The following SI variants were observed in gnomAD, a reference collection of about 807,000 sequenced individuals.
The protein encoded by SI is sucrase-isomaltase, intestinal.
Under a neutral mutation model 253.3 loss-of-function variants are expected in SI, and 235 were observed. That is an observed-to-expected ratio of 0.93 (90% CI 0.83 to 1.03). SI has a LOEUF of 1.03. Ranked by LOEUF, SI falls within the 50% of genes least tolerant of loss-of-function variation. The pLI is 0.00. For synonymous variants in SI, 819 were observed against 712.0 expected (o/e 1.15, Z -2.39); for missense variants, 2,442 against 2,211.1 (o/e 1.10, Z -2.09).
At chr3:164,999,531 TAGA>T (rs1718168362) in intron 37 of SI, among the ~76,000 whole-genome samples, 1 of 151,632 alleles carries the variant, frequency 6.6e-6, no homozygotes, top group Non-Finnish European at 1.5e-5. Flanking sequence ...AGAACTATCT[TAGA>T]AGAAGATACC....
intron 38 of SI, 68 bp downstream of exon 38, chr3:164,998,472 A>C: frequency 6.6e-7 from 1 of 1,510,784 alleles, no homozygotes; most frequent in Admixed American, 1.7e-5. Context: ...GTTATGACCT[A>C]GCACCAGCAA....
chr3:165,018,472 G>A (rs889364193), intron 28 of SI, among the ~76,000 whole-genome samples: 2 of 150,478 alleles, frequency 1.3e-5, no homozygotes, highest in South Asian at 2.1e-4. Flanking sequence ...ATAGTAAAAT[G>A]TCCTAGAAAT....
intron 16 of SI, among the ~76,000 whole-genome samples, 160 bp downstream of exon 16, chr3:165,046,680 AC>A (rs1233928169): frequency 6.6e-6 from 1 of 152,090 alleles, no homozygotes; most frequent in African/African-American, 2.4e-5. Flanking sequence ...AATTATAGAT[AC>A]CATCTGTATT....
chr3:165,045,088 C>T (rs1713036599), intron 16 of SI, among the ~76,000 whole-genome samples: 1 of 152,044 alleles, frequency 6.6e-6, no homozygotes, highest in Admixed American at 6.6e-5. Context: ...TATCCACAGT[C>T]CAGTATCATT....
chr3:165,040,976 A>C lies in SI; in HGVS notation c.2123T>G (p.Val708Gly). 1 of 1,612,212 alleles carries C rather than the reference A, an allele frequency of 6.2e-7. No individual in the cohort carries two copies. The highest frequency in any genetic ancestry group is 8.5e-7 in the Non-Finnish European group (1 of 1,178,590). Residue 708 changes from valine to glycine, a missense_variant, in exon 18 of 48, where the codon GTG (valine) becomes GGG (glycine). Transcript: ENST00000264382. ...FLYTLFYKAH[V>G]FGETVARPVL... ...TGGTCTTGCTACTGTTTCTCCAAAC[A>C]CATGGGCTTTATAAAACAGAGTGTA...
At chr3:165,076,425 G>T (rs557571242) in intron 1 of SI, among the ~76,000 whole-genome samples, 1 of 151,818 alleles carries the variant, frequency 6.6e-6, no homozygotes, top group South Asian at 2.1e-4. Flanking sequence ...GAAGGAAATA[G>T]TTATTCACAT....
chr3:165,067,500 A>T lies in SI; in HGVS notation c.484-9T>A, dbSNP rs1714305565. ...TTATTTGGATCAGTAATCTGGAAAG[A>T]TTTAAGCAAGGTAGCATTACTGGAT... On this transcript the variant is annotated splice_polypyrimidine_tract_variant and intron_variant, in intron 5 of 47. Coordinates refer to ENST00000264382, the MANE Select transcript of SI (RefSeq NM_001041.4). 6.2e-7 allele frequency: 1 copy of T among 1,602,890 alleles called. No individual in the cohort carries two copies. Among genetic ancestry groups the T allele is most frequent in the Admixed American group, 1.7e-5 (1 of 59,942 alleles).
At chr3:165,029,863 T>C (rs757501373) in intron 25 of SI, among the ~76,000 whole-genome samples, 6 of 150,370 alleles carry the variant, frequency 4.0e-5, no homozygotes, top group Non-Finnish European at 6.0e-5. Context: ...TTGACTTTTA[T>C]TGATTTTAGA....
chr3:165,029,196 T>C (rs2108199318), intron 25 of SI, among the ~76,000 whole-genome samples: 1 of 151,192 alleles, frequency 6.6e-6, no homozygotes, highest in East Asian at 1.9e-4. Context: ...GCATCACTAA[T>C]GATCAGGTAA....
At chr3:165,020,277 C>T (rs1160243178) in intron 27 of SI, among the ~76,000 whole-genome samples, 1 of 151,372 alleles carries the variant, frequency 6.6e-6, no homozygotes, top group Non-Finnish European at 1.5e-5. Flanking sequence ...ATTTTATGTT[C>T]ATAAAAATAG....
intron 1 of SI, among the ~76,000 whole-genome samples, chr3:165,076,967 A>G (rs541252792): frequency 6.7e-6 from 1 of 150,320 alleles, no homozygotes; most frequent in African/African-American, 2.4e-5. Context: ...TTGGGTTTAA[A>G]ATCACGGTTT....
intron 26 of SI, 143 bp downstream of exon 26, chr3:165,023,427 A>C: frequency 4.6e-6 from 3 of 646,218 alleles, no homozygotes; most frequent in Middle Eastern, 4.3e-4. Context: ...TGAGTTGTGT[A>C]GGAAAAAATA....
At chr3:165,083,969 T>C in the SI span, among the ~76,000 whole-genome samples, 2 of 152,164 alleles carry the variant, frequency 1.3e-5, no homozygotes, top group Non-Finnish European at 2.9e-5. Context: ...TTTTGAAATG[T>C]GAACTGTGGA....
At chr3:165,058,305 A>T (rs956877498) in intron 12 of SI, among the ~76,000 whole-genome samples, 2 of 151,938 alleles carry the variant, frequency 1.3e-5, no homozygotes, top group African/African-American at 4.8e-5. Context: ...AAGGGGAAAA[A>T]TTATAGCAGT....
At chr3:165,018,505 A>G (rs530017109) in intron 28 of SI, among the ~76,000 whole-genome samples, 3 of 150,842 alleles carry the variant, frequency 2.0e-5, no homozygotes, top group Non-Finnish European at 4.4e-5. Context: ...GAATACAATT[A>G]AACTGTCCAG....
At chr3:164,982,865 G>A in intron 46 of SI, 137 bp downstream of exon 46, 2 of 721,468 alleles carry the variant, frequency 2.8e-6, no homozygotes, top group South Asian at 3.5e-5. Context: ...TGCCCAGACA[G>A]GTCTTGAACC....
intron 25 of SI, among the ~76,000 whole-genome samples, chr3:165,028,714 G>A (rs1444182675): frequency 1.3e-5 from 2 of 151,338 alleles, no homozygotes; most frequent in Non-Finnish European, 3.0e-5. Context: ...AACAAATGGT[G>A]CTACGATTAT....
intron 25 of SI, among the ~76,000 whole-genome samples, chr3:165,026,317 G>A (rs556882392): frequency 3.3e-5 from 5 of 151,106 alleles, no homozygotes; most frequent in Admixed American, 2.0e-4. Context: ...AACACTGGAG[G>A]TCCCAAATTT....
At chr3:164,996,455 A>C in intron 40 of SI, 80 bp downstream of exon 40, 2 of 865,290 alleles carry the variant, frequency 2.3e-6, no homozygotes, top group Non-Finnish European at 4.0e-6. Flanking sequence ...TATACCAGCT[A>C]ACCAAGCCAT....
Sources: allele counts gnomAD v4.1 joint callset (sites outside exome capture counted in the v4.1 genomes callset), GRCh38; gene constraint gnomAD v4.1.1; transcripts MANE v1.5; gene names NCBI Gene and HGNC (gene_info 2026-07-23, HGNC 2026-07-21).